Variants in TNNI3K observed in about 807,000 individuals in gnomAD.
TNNI3K encodes TNNI3 interacting kinase.
In TNNI3K, 140 loss-of-function variants were observed where a neutral mutation model predicts 114.5. That is an observed-to-expected ratio of 1.22 (90% CI 1.07 to 1.41). The LOEUF (loss-of-function observed/expected upper bound fraction) is 1.41. TNNI3K is among the 40% of genes most tolerant of loss of function. The pLI is 0.00. For missense variants in TNNI3K, 1,125 were observed against 1,007.6 expected (o/e 1.12, Z -1.58); for synonymous variants, 347 against 347.5 (o/e 1.00, Z 0.02).
At chr1:74,443,975 A>G (rs898314525) in intron 20 of TNNI3K, among the ~76,000 whole-genome samples, 1 of 152,190 alleles carries the variant, frequency 6.6e-6, no homozygotes, top group Non-Finnish European at 1.5e-5. Flanking sequence ...CATGTTAAAA[A>G]CTCTCAATAA....
At chr1:74,455,157 G>C (rs1200893421) in intron 20 of TNNI3K, among the ~76,000 whole-genome samples, 1 of 152,162 alleles carries the variant, frequency 6.6e-6, no homozygotes, top group Non-Finnish European at 1.5e-5. Context: ...GAGAAGCACA[G>C]AGGACTAAGG....
intron 4 of TNNI3K, among the ~76,000 whole-genome samples, chr1:74,252,662 G>A (rs926737576): frequency 6.6e-6 from 1 of 152,040 alleles, no homozygotes; most frequent in Non-Finnish European, 1.5e-5. Flanking sequence ...TGGCTATGGA[G>A]TGAAGCTGCA....
chr1:74,270,193 A>G (rs1185974471), intron 4 of TNNI3K, among the ~76,000 whole-genome samples: 1 of 151,738 alleles, frequency 6.6e-6, no homozygotes, highest in Non-Finnish European at 1.5e-5. Context: ...GAAAAGCAAA[A>G]TTCAATGTAG....
chr1:74,396,767 T>C (rs571071133), intron 17 of TNNI3K, among the ~76,000 whole-genome samples: 10 of 152,200 alleles, frequency 6.6e-5, no homozygotes, highest in African/African-American at 2.4e-4. Context: ...CCAAAAGCAT[T>C]TGAGAACCAA....
intron 5 of TNNI3K, among the ~76,000 whole-genome samples, chr1:74,282,405 A>G (rs562747443): frequency 3.8e-4 from 57 of 151,866 alleles, no homozygotes; most frequent in Admixed American, 8.5e-4. Context: ...CTTGGTTTGC[A>G]GATGCATTCG....
At chr1:74,351,940 G>C (rs1316816852) in intron 9 of TNNI3K, among the ~76,000 whole-genome samples, 1 of 152,018 alleles carries the variant, frequency 6.6e-6, no homozygotes, top group Non-Finnish European at 1.5e-5. Flanking sequence ...GGAGTAGTTT[G>C]ATCTTCTGAA....
intron 5 of TNNI3K, among the ~76,000 whole-genome samples, chr1:74,329,896 A>G (rs536522083): frequency 2.2e-4 from 33 of 152,184 alleles, no homozygotes; most frequent in Non-Finnish European, 4.6e-4. Flanking sequence ...GTTCATATAA[A>G]CAGAAGAGGT....
intron 5 of TNNI3K, among the ~76,000 whole-genome samples, chr1:74,290,308 A>G (rs991934662): frequency 1.3e-5 from 2 of 151,374 alleles, no homozygotes; most frequent in African/African-American, 4.8e-5. Flanking sequence ...GCCTTTCTAC[A>G]CTTTTATAAT....
intron 2 of TNNI3K, among the ~76,000 whole-genome samples, chr1:74,244,196 T>C (rs1218071389): frequency 6.6e-6 from 1 of 152,128 alleles, no homozygotes; most frequent in Non-Finnish European, 1.5e-5. Flanking sequence ...AGCTAAAAAT[T>C]GTACTATTAA....
chr1:74,501,416 G>A (rs993244215), intron 23 of TNNI3K, among the ~76,000 whole-genome samples: 2 of 152,092 alleles, frequency 1.3e-5, no homozygotes, highest in Non-Finnish European at 2.9e-5. Flanking sequence ...ATTTTATCTG[G>A]AGACATTAAT....
chr1:74,331,623 A>G lies in TNNI3K; in HGVS notation c.543+75A>G. On this transcript the variant is annotated intron_variant, in intron 6 of 24. Coordinates refer to ENST00000326637, the MANE Select transcript of TNNI3K (RefSeq NM_015978.3). The stretch of plus-strand genomic sequence containing the variant: ...GCTTTTGTTGAATTGTCCTAGCTTC[A>G]AAGAGTTTATATTTAAAATATATTT... The G allele has an allele frequency of 1.6e-6, 2 of 1,272,938 alleles. 1 individual carries two copies. Among genetic ancestry groups the G allele is most frequent in the South Asian group, 3.2e-5 (2 of 62,686 alleles). The allele number at this position is 1,272,938 out of a possible 1,614,324, so 78.9% of individuals were successfully genotyped here.
intron 23 of TNNI3K, among the ~76,000 whole-genome samples, chr1:74,505,787 C>T (rs938762244): frequency 6.6e-6 from 1 of 152,026 alleles, no homozygotes; most frequent in African/African-American, 2.4e-5. Flanking sequence ...AAATACTGGA[C>T]CCAGGAAGAA....
intron 23 of TNNI3K, among the ~76,000 whole-genome samples, chr1:74,499,950 A>G (rs916281427): frequency 6.6e-6 from 1 of 151,766 alleles, no homozygotes; most frequent in East Asian, 1.9e-4. Flanking sequence ...TCTGTCTAGT[A>G]TTTTTTCTCA....
At chr1:74,340,088 G>A (rs977210584) in intron 7 of TNNI3K, among the ~76,000 whole-genome samples, 3 of 151,950 alleles carry the variant, frequency 2.0e-5, no homozygotes, top group African/African-American at 7.2e-5. Flanking sequence ...GACAGACCTG[G>A]GAGTAATTTT....
chr1:74,269,686 C>A (rs1472438110), intron 4 of TNNI3K, among the ~76,000 whole-genome samples: 1 of 151,644 alleles, frequency 6.6e-6, no homozygotes, highest in Non-Finnish European at 1.5e-5. Flanking sequence ...GACAAGTCAG[C>A]CTGGGAAAAT....
At chr1:74,341,398 C>G (rs1660738938) in intron 7 of TNNI3K, among the ~76,000 whole-genome samples, 1 of 152,138 alleles carries the variant, frequency 6.6e-6, no homozygotes, top group Non-Finnish European at 1.5e-5. Context: ...TCATGATCCT[C>G]TTTATTCTTT....
chr1:74,321,889 T>C (rs1219595481), intron 5 of TNNI3K, among the ~76,000 whole-genome samples: 1 of 152,054 alleles, frequency 6.6e-6, no homozygotes, highest in African/African-American at 2.4e-5. Flanking sequence ...ATTCAACCAA[T>C]GTTATAACTG....
At chr1:74,301,979 T>C (rs765804535) in intron 5 of TNNI3K, among the ~76,000 whole-genome samples, 5 of 152,252 alleles carry the variant, frequency 3.3e-5, no homozygotes, top group Non-Finnish European at 7.3e-5. Flanking sequence ...TTCCATAGCA[T>C]ACCTTGTTTC....
At chr1:74,252,641 C>T (rs1259264398) in intron 4 of TNNI3K, among the ~76,000 whole-genome samples, 1 of 152,012 alleles carries the variant, frequency 6.6e-6, no homozygotes, top group African/African-American at 2.4e-5. Flanking sequence ...CTGGTGGGTT[C>T]GTGGTCTCGC....
Sources: gnomAD v4.1 joint callset for allele counts (sites outside exome capture counted in the v4.1 genomes callset) on GRCh38, gnomAD v4.1.1 for gene constraint, MANE v1.5 for transcripts, NCBI Gene and HGNC (gene_info 2026-07-23, HGNC 2026-07-21) for gene names.